The following BORCS7 variants were observed in gnomAD, a reference collection of about 807,000 sequenced individuals.
BORCS7 encodes BLOC-1 related complex subunit 7, also known as BLOC-1-related complex subunit 7.
Under a neutral mutation model 17.5 loss-of-function variants are expected in BORCS7, and 20 were observed. The observed-to-expected ratio is 1.14, with a 90% CI of 0.80 to 1.66. BORCS7 has a LOEUF of 1.66. BORCS7 is among the 40% of genes most tolerant of loss of function. The pLI, the probability that BORCS7 is intolerant of heterozygous loss-of-function variation, is 0.00. For missense variants in BORCS7, 122 were observed against 129.7 expected (o/e 0.94, Z 0.29); for synonymous variants, 57 against 49.8 (o/e 1.14, Z -0.61).
At chr10:102,854,993 T>C (rs1179938606) in intron 1 of BORCS7, among the ~76,000 whole-genome samples, 1 of 147,640 alleles carries the variant, frequency 6.8e-6, no homozygotes, top group Non-Finnish European at 1.5e-5. Context: ...ATATTATATA[T>C]ATTTTCAACT....
intron 3 of BORCS7, among the ~76,000 whole-genome samples, chr10:102,861,107 T>C (rs916198092): frequency 4.1e-4 from 63 of 152,232 alleles, no homozygotes; most frequent in African/African-American, 1.5e-3. Flanking sequence ...ATTATACTTA[T>C]GTACCTCTTA....
chr10:102,856,629 G>T lies in BORCS7; in HGVS notation c.141+2202G>T, dbSNP rs147367923. On this transcript the variant is annotated intron_variant, in intron 1 of 4. Coordinates refer to ENST00000339834, the MANE Select transcript of BORCS7 (RefSeq NM_001136200.2). The stretch of plus-strand genomic sequence containing the variant: ...ACAAGTTAATGGTAAAAGCCTAGGA[G>T]AAAAATTTATAGAAATCTAAAAAGA... Among the ~76,000 whole-genome samples, 20 of 152,290 alleles carry T rather than the reference G, an allele frequency of 1.3e-4. No individual in the cohort carries two copies. The East Asian group carries it at 3.3e-3, about 25-fold the overall frequency.
At chr10:102,862,822 T>C (rs773145993) in intron 4 of BORCS7, 51 bp from the exon 5 acceptor site, 22 of 1,509,706 alleles carry the variant, frequency 1.5e-5, no homozygotes, top group Non-Finnish European at 1.7e-5. Flanking sequence ...TACAAAGATG[T>C]CTTTATTATT....
intron 1 of BORCS7, among the ~76,000 whole-genome samples, chr10:102,859,455 T>A (rs1186267043): frequency 6.7e-6 from 1 of 149,616 alleles, no homozygotes; most frequent in Non-Finnish European, 1.5e-5. Flanking sequence ...TTTCTTTTCT[T>A]TTTCCCAGCC....
chr10:102,861,546 G>A (rs1169825823), intron 3 of BORCS7, among the ~76,000 whole-genome samples: 4 of 151,370 alleles, frequency 2.6e-5, no homozygotes, highest in Admixed American at 6.6e-5. Flanking sequence ...GCAAAACCCC[G>A]TCTCTACTAA....
intron 3 of BORCS7, chr10:102,860,848 G>A: frequency 2.1e-6 from 1 of 471,670 alleles, no homozygotes; most frequent in Non-Finnish European, 3.8e-6. Flanking sequence ...CACTGTACTT[G>A]GCACCTGTGA....
At position 102,854,283 on chromosome 10, in the gene BORCS7, T is replaced by C. The variant is rs201323817; in HGVS notation, c.-4T>C. ...CGTCAGTGCGCAACCGTTCGCTAAC[T>C]GAAATGATGGCGACTGGAACGCCAG... On this transcript the variant is annotated 5_prime_UTR_variant, in exon 1 of 5. Coordinates refer to ENST00000339834, the MANE Select transcript of BORCS7 (RefSeq NM_001136200.2). 1.2e-6 allele frequency: 2 copies of C among 1,605,904 alleles called. No homozygotes were observed. The highest frequency in any genetic ancestry group is 1.3e-5 in the African/African-American group (1 of 74,974).
chr10:102,856,879 T>C (rs1463682945), intron 1 of BORCS7, among the ~76,000 whole-genome samples: 3 of 152,234 alleles, frequency 2.0e-5, no homozygotes, highest in Non-Finnish European at 2.9e-5. Flanking sequence ...TCTAAATGTC[T>C]CACAAATCCT....
chr10:102,854,440 T>G lies in BORCS7; in HGVS notation c.141+13T>G, dbSNP rs1305519991. On this transcript the variant is annotated intron_variant, in intron 1 of 4. Coordinates refer to ENST00000339834, the MANE Select transcript of BORCS7 (RefSeq NM_001136200.2). ...CCGGAGCTCCGAGGTGAGCTGGAAG[T>G]GGACTCTCCCGGCCTGATAGTCCGG... The G allele has an allele frequency of 6.5e-7, 1 of 1,531,558 alleles. No homozygotes were observed. 94.9% of individuals were successfully genotyped at this position (1,531,558 alleles called of 1,614,324 possible).
chr10:102,859,960 C>G (rs896830961), intron 1 of BORCS7, among the ~76,000 whole-genome samples: 1 of 152,172 alleles, frequency 6.6e-6, no homozygotes, highest in African/African-American at 2.4e-5. Context: ...CCCCAAATCT[C>G]AAATCTGCCT....
At chr10:102,861,161 TC>T (rs1301762181) in intron 3 of BORCS7, among the ~76,000 whole-genome samples, 3 of 152,192 alleles carry the variant, frequency 2.0e-5, no homozygotes, top group African/African-American at 7.2e-5. Context: ...ACACCTGTAA[TC>T]CCAGCACTTT....
At chr10:102,855,860 C>A (rs1053154767) in intron 1 of BORCS7, among the ~76,000 whole-genome samples, 1 of 152,192 alleles carries the variant, frequency 6.6e-6, no homozygotes, top group Non-Finnish European at 1.5e-5. Context: ...CTCCTGGGTT[C>A]AAGCGATTCT....
chr10:102,855,922 C>T lies in BORCS7; in HGVS notation c.141+1495C>T, dbSNP rs147203247. ...GATTATAGGCGCCTGCCACCACACC[C>T]AGCTAATTTTTGTGTTTTTAGTAGA... On this transcript the variant is annotated intron_variant, in intron 1 of 4. Transcript: ENST00000339834. 7.2e-3 allele frequency among the ~76,000 whole-genome samples: 1,091 copies of T among 152,264 alleles called. 2 individuals are homozygous for T. Among genetic ancestry groups the T allele is most frequent in the African/African-American group, 0.025 (1,023 of 41,540 alleles).
At position 102,862,141 on chromosome 10, in the gene BORCS7, C is replaced by T. The variant is rs765824088; in HGVS notation, c.249-19C>T. On this transcript the variant is annotated intron_variant, in intron 3 of 4. Coordinates refer to ENST00000339834, the MANE Select transcript of BORCS7 (RefSeq NM_001136200.2). Reference sequence around the variant, plus strand: ...TTAGTTCACTTATGTGTATTTTCCTCTTTCCTTTTCTGATTTAGGCAAGAA... The same window carrying T: ...TTAGTTCACTTATGTGTATTTTCCTTTTTCCTTTTCTGATTTAGGCAAGAA... 1.3e-6 allele frequency: 2 copies of T among 1,599,934 alleles called. No individual in the cohort carries two copies. The highest frequency in any genetic ancestry group is 1.1e-5 in the South Asian group (1 of 90,720).
chr10:102,859,570 CTTTTTTTTTTTTT>C lies in BORCS7; in HGVS notation c.142-761_142-749del, dbSNP rs1488621832. ...GTTTCTCTTATTCCATTTTTTTTTT[CTTTTTTTTTTTTT>C]GAGACAGGGTCTTGCTTTGTCGCCC... On this transcript the variant is annotated intron_variant, in intron 1 of 4. Coordinates refer to ENST00000339834, the MANE Select transcript of BORCS7 (RefSeq NM_001136200.2). 8.4e-4 allele frequency among the ~76,000 whole-genome samples: 115 copies of C among 136,508 alleles called. 3 individuals carry two copies. In the East Asian group the frequency reaches 0.024, roughly 29 times the overall value. 89.6% of individuals were successfully genotyped at this position (136,508 alleles called of 152,430 possible). A position where few individuals can be genotyped will look rare whatever the true frequency, so the allele number is the denominator to read the frequency against.
At chr10:102,858,593 T>A (rs1295497099) in intron 1 of BORCS7, among the ~76,000 whole-genome samples, 1 of 152,024 alleles carries the variant, frequency 6.6e-6, no homozygotes, top group Non-Finnish European at 1.5e-5. Context: ...GAGGTTGCAG[T>A]GAGCCAAGAT....
chr10:102,854,315 A>G lies in BORCS7; in HGVS notation c.29A>G (p.Gln10Arg), dbSNP rs778699886. The G allele has an allele frequency of 3.1e-6, 5 of 1,604,244 alleles. No homozygotes were observed. The highest frequency in any genetic ancestry group is 3.4e-5 in the Admixed American group (2 of 58,506). The change falls in exon 1 of 5, where the codon CAA (glutamine) becomes CGA (arginine). Residue 10 changes from glutamine (Q) to arginine (R), a missense_variant. Gln to Arg is a conservative substitution (Grantham distance 43). Transcript: ENST00000339834. Reference sequence around the variant, plus strand: ...ATGGCGACTGGAACGCCAGAGTCTCAAGCGCGGTTCGGTCAGTCCGTGAAG... The same window carrying G: ...ATGGCGACTGGAACGCCAGAGTCTCGAGCGCGGTTCGGTCAGTCCGTGAAG... MMATGTPES[Q>R]ARFGQSVKGL...
At chr10:102,860,849 G>A (rs1844506850) in intron 3 of BORCS7, 2 of 465,678 alleles carry the variant, frequency 4.3e-6, no homozygotes, top group Non-Finnish European at 7.8e-6. Context: ...ACTGTACTTG[G>A]CACCTGTGAG....
chr10:102,855,736 G>A (rs1339267921), intron 1 of BORCS7, among the ~76,000 whole-genome samples: 1 of 152,138 alleles, frequency 6.6e-6, no homozygotes, highest in Non-Finnish European at 1.5e-5. Flanking sequence ...AGAGAGTGAT[G>A]AAAGGGTTAA....
Sources: allele counts gnomAD v4.1 joint callset (sites outside exome capture counted in the v4.1 genomes callset), GRCh38; gene constraint gnomAD v4.1.1; transcripts MANE v1.5; gene names NCBI Gene and HGNC (gene_info 2026-07-23, HGNC 2026-07-21).